The following CCT8 variants were observed in gnomAD, a reference collection of about 807,000 sequenced individuals.
CCT8 encodes the protein T-complex protein 1 subunit theta.
A neutral mutation model predicts 65.7 loss-of-function variants in CCT8; 10 were observed. That is an observed-to-expected ratio of 0.15 (90% CI 0.09 to 0.26). CCT8 has a LOEUF of 0.26. Among genes scored for constraint, CCT8 ranks in the 10% least tolerant of loss-of-function variants. The probability of loss-of-function intolerance (pLI) is 1.00; values close to 1 mark genes in which losing one functional copy is unlikely to be tolerated. For synonymous variants in CCT8, 199 were observed against 221.8 expected, an observed-to-expected ratio of 0.90 and a Z score of 0.92; for missense variants, 568 against 669.1, an observed-to-expected ratio of 0.85 and a Z score of 1.67.
chr21:29,066,081 CAAAA>C (rs10597265), intron 6 of CCT8, among the ~76,000 whole-genome samples: 22 of 102,666 alleles, frequency 2.1e-4, no homozygotes, highest in Admixed American at 2.9e-4. Context: ...GACTCCATCT[CAAAA>C]AAAAAAAAAA....
At chr21:29,064,409 T>TAAAAAAAAAAAAAAAAAAAAAAAAAAG (rs2085597477) in intron 7 of CCT8, among the ~76,000 whole-genome samples, 1 of 26,714 alleles carries the variant, frequency 3.7e-5, no homozygotes, top group African/African-American at 1.7e-4. Context: ...AGCAAGACTC[T>TAAAAAAAAAAAAAAAAAAAAAAAAAAG]AAAAAAAAAA....
At chr21:29,068,794 A>G (rs2085652034) in intron 3 of CCT8, among the ~76,000 whole-genome samples, 1 of 152,216 alleles carries the variant, frequency 6.6e-6, no homozygotes, top group Non-Finnish European at 1.5e-5. Flanking sequence ...GGTTAGAAAA[A>G]TGTTGATTCT....
chr21:29,073,629 A>G lies in CCT8; in HGVS notation c.-39T>C. 6.3e-7 allele frequency: 1 copy of G among 1,598,932 alleles called. No homozygotes were observed. The highest frequency in any genetic ancestry group is 8.6e-7 in the Non-Finnish European group (1 of 1,167,052). ...GAAGCAGTTCACGCGACCGCTCGGA[A>G]GACCGCGGAGGAAGCGAGGAGCACG... On this transcript the variant is annotated 5_prime_UTR_variant, in exon 1 of 15. Transcript: ENST00000286788.
At chr21:29,066,240 A>T (rs1460246362) in intron 6 of CCT8, among the ~76,000 whole-genome samples, 3 of 152,180 alleles carry the variant, frequency 2.0e-5, no homozygotes, top group African/African-American at 7.2e-5. Flanking sequence ...TCAAAATGTT[A>T]CAAAATAATG....
chr21:29,062,682 C>T, intron 8 of CCT8, 126 bp from the exon 9 acceptor site: 1 of 731,766 alleles, frequency 1.4e-6, no homozygotes, highest in South Asian at 1.8e-5. Context: ...GATTTTAACT[C>T]AGAACATGTC....
rs2085630203 is a variant in CCT8 at position 29,066,949 on chromosome 21, T to C, written c.504A>G (p.Ile168Met). Residue 168 changes from isoleucine to methionine, a missense_variant, in exon 5 of 15, where the codon ATA becomes ATG. By Grantham distance (10) the Ile-to-Met change is conservative. Coordinates refer to ENST00000286788, the MANE Select transcript of CCT8 (RefSeq NM_006585.4). Reference sequence around the variant, plus strand: ...CTTCATTACCATATTGTTTACTCATTATGGAGGTACGAAGTAGAGATGAGA... The same window carrying C: ...CTTCATTACCATATTGTTTACTCATCATGGAGGTACGAAGTAGAGATGAGA... ...DEVSSLLRTS[I>M]MSKQYGNEVF... 6.2e-7 allele frequency: 1 copy of C among 1,613,676 alleles called. No homozygotes were observed. The highest frequency in any genetic ancestry group is 8.5e-7 in the Non-Finnish European group (1 of 1,179,678).
intron 11 of CCT8, 75 bp downstream of exon 11, chr21:29,062,053 T>G (rs1161197628): frequency 2.1e-6 from 2 of 955,670 alleles, no homozygotes. Context: ...TGTGCAAGAG[T>G]CTGCAAACTG....
chr21:29,063,487 C>A lies in CCT8; in HGVS notation c.806G>T (p.Ser269Ile). Residue 269 changes from serine (S) to isoleucine (I), a missense_variant, in exon 8 of 15, where the codon AGT becomes ATT. Transcript: ENST00000286788. ...ATCCATGAGGTTTTCTTCTCCCTTA[C>A]TAAAATTCATCAATTCTTCAGCAGT... is the stretch of plus-strand genomic sequence containing the variant. ...IKTAEELMNF[S>I]KGEENLMDAQ... 6.2e-7 allele frequency: 1 copy of A among 1,613,996 alleles called. No individual in the cohort carries two copies. The highest frequency in any genetic ancestry group is 8.5e-7 in the Non-Finnish European group (1 of 1,179,990).
At chr21:29,073,394 C>T (rs983789338) in intron 1 of CCT8, 137 bp downstream of exon 1, 15 of 1,492,246 alleles carry the variant, frequency 1.0e-5, no homozygotes, top group Non-Finnish European at 1.3e-5. Context: ...AATCACCTCC[C>T]TTTCTGGAAT....
chr21:29,060,658 A>G lies in CCT8; in HGVS notation c.1452T>C (p.Ala484=), dbSNP rs1302090943. 1 of 1,611,744 alleles carries G rather than the reference A, an allele frequency of 6.2e-7. No individual in the cohort carries two copies. Among genetic ancestry groups the G allele is most frequent in the Admixed American group, 1.7e-5 (1 of 59,316 alleles). The change falls in exon 14 of 15, where the codon GCT becomes GCC. Residue 484 remains alanine (A), a splice_region_variant and synonymous_variant. Transcript: ENST00000286788. ...GCATGTCCTTTACAGCAGGGACTTC[A>G]GCCTGTCAAACACAATTTTCATCCT... ...GNKNVGLDIE[A]EVPAVKDMLE...
At chr21:29,057,741 TATC>T (rs1009304261) in intron 14 of CCT8, among the ~76,000 whole-genome samples, 2 of 90,514 alleles carry the variant, frequency 2.2e-5, no homozygotes, top group African/African-American at 6.1e-5. Flanking sequence ...ATGATATATA[TATC>T]ATGTATATGT....
At chr21:29,072,160 C>G (rs1239270171) in intron 1 of CCT8, 1 of 576,278 alleles carries the variant, frequency 1.7e-6, no homozygotes, top group African/African-American at 1.9e-5. Context: ...GAGTTCTTCC[C>G]TAAACGTCTA....
Position 29,073,596 on chromosome 21 carries a change from G to A in CCT8, c.-6C>T. 2.5e-6 allele frequency: 4 copies of A among 1,613,986 alleles called. No individual in the cohort carries two copies. Among genetic ancestry groups the A allele is most frequent in the Non-Finnish European group, 3.4e-6 (4 of 1,179,938 alleles). On this transcript the variant is annotated 5_prime_UTR_variant, in exon 1 of 15. Transcript: ENST00000286788. Reference sequence around the variant, plus strand: ...TTGGGAACGTGAAGCGCCATGGCCAGCCTGCAGGAAGCAGTTCACGCGACC... The same window carrying A: ...TTGGGAACGTGAAGCGCCATGGCCAACCTGCAGGAAGCAGTTCACGCGACC...
chr21:29,073,400 G>C, intron 1 of CCT8, 131 bp downstream of exon 1: 2 of 1,509,608 alleles, frequency 1.3e-6, no homozygotes, highest in Admixed American at 4.4e-5. Flanking sequence ...CTCCCTTTCT[G>C]GAATCTTCTC....
intron 6 of CCT8, among the ~76,000 whole-genome samples, chr21:29,066,437 G>C (rs1191280768): frequency 1.3e-5 from 2 of 152,142 alleles, no homozygotes. Context: ...CTACTCGGGA[G>C]GCTGGGACTG....
intron 6 of CCT8, among the ~76,000 whole-genome samples, chr21:29,065,447 A>G (rs1225535094): frequency 6.6e-6 from 1 of 152,234 alleles, no homozygotes; most frequent in Admixed American, 6.5e-5. Context: ...AGAACAAAGC[A>G]AAGATTCTGT....
At chr21:29,068,509 GAGTGC>G (rs1189789101) in intron 3 of CCT8, among the ~76,000 whole-genome samples, 1 of 151,950 alleles carries the variant, frequency 6.6e-6, no homozygotes, top group Non-Finnish European at 1.5e-5. Context: ...GCCCAGGCTG[GAGTGC>G]AGTGGCGCGA....
intron 13 of CCT8, among the ~76,000 whole-genome samples, chr21:29,060,877 G>A (rs933713630): frequency 6.6e-6 from 1 of 152,092 alleles, no homozygotes; most frequent in African/African-American, 2.4e-5. Flanking sequence ...AAAATGGCAT[G>A]GTGTTTGGAT....
chr21:29,057,593 T>C (rs910504768), intron 14 of CCT8, among the ~76,000 whole-genome samples: 3 of 149,536 alleles, frequency 2.0e-5, no homozygotes, highest in African/African-American at 4.9e-5. Context: ...AAGTGAGACC[T>C]AGTCTACAAA....
Sources: gnomAD v4.1 joint callset for allele counts (sites outside exome capture counted in the v4.1 genomes callset) on GRCh38, gnomAD v4.1.1 for gene constraint, MANE v1.5 for transcripts, NCBI Gene and HGNC (gene_info 2026-07-23, HGNC 2026-07-21) for gene names.